The following PDZRN3 variants were observed in gnomAD, a reference collection of about 807,000 sequenced individuals.
The protein encoded by PDZRN3 is E3 ubiquitin-protein ligase PDZRN3.
Under a neutral mutation model 85.7 loss-of-function variants are expected in PDZRN3, and 38 were observed. The observed-to-expected ratio is 0.44, with a 90% CI of 0.34 to 0.58. The LOEUF is 0.58. Among genes scored for constraint, PDZRN3 ranks in the 20% least tolerant of loss-of-function variants. The pLI is 0.01. For synonymous variants in PDZRN3, 759 were observed against 638.0 expected (o/e 1.19, Z -2.86); for missense variants, 1,629 against 1,506.4 (o/e 1.08, Z -1.35).
At position 73,443,165 on chromosome 3, in the gene PDZRN3, T is replaced by C. The variant is rs112360862; in HGVS notation, c.919-38770A>G. Among the ~76,000 whole-genome samples, 500 of 152,276 alleles carry C rather than the reference T, an allele frequency of 3.3e-3. 1 individual carries two copies. Among genetic ancestry groups the C allele is most frequent in the African/African-American group, 0.012 (478 of 41,550 alleles). On this transcript the variant is annotated intron_variant, in intron 3 of 9. Coordinates refer to ENST00000263666, the MANE Select transcript of PDZRN3 (RefSeq NM_015009.3). ...CTATTCATTCACGCCTCCGTATTGATTGCCTACTATGAGCCAGACACTGTT... is the reference window on the plus strand; with the variant it reads ...CTATTCATTCACGCCTCCGTATTGACTGCCTACTATGAGCCAGACACTGTT...
At chr3:73,548,782 C>G (rs1292007745) in intron 3 of PDZRN3, among the ~76,000 whole-genome samples, 1 of 152,056 alleles carries the variant, frequency 6.6e-6, no homozygotes, top group African/African-American at 2.4e-5. Context: ...GTGTCTGAGT[C>G]AAGAAAATAG....
At chr3:73,616,669 T>C (rs1031360151) in intron 1 of PDZRN3, among the ~76,000 whole-genome samples, 1 of 152,194 alleles carries the variant, frequency 6.6e-6, no homozygotes, top group Non-Finnish European at 1.5e-5. Flanking sequence ...ATTCCTAAAC[T>C]TTCTTCAGTG....
chr3:73,535,593 C>G (rs1704764265), intron 3 of PDZRN3, among the ~76,000 whole-genome samples: 1 of 152,176 alleles, frequency 6.6e-6, no homozygotes, highest in South Asian at 2.1e-4. Context: ...ACAGAGCTGC[C>G]TTTTTGGGGA....
chr3:73,565,930 G>A (rs941723282), intron 3 of PDZRN3, among the ~76,000 whole-genome samples: 7 of 151,920 alleles, frequency 4.6e-5, no homozygotes, highest in Admixed American at 1.3e-4. Context: ...TATCCTGTGC[G>A]ATAAGGATTT....
chr3:73,455,909 T>C (rs962593234), intron 3 of PDZRN3, among the ~76,000 whole-genome samples: 23 of 152,302 alleles, frequency 1.5e-4, no homozygotes, highest in South Asian at 4.1e-4. Context: ...ACAAAAATAA[T>C]TGATGACATC....
chr3:73,425,683 G>A (rs72884241), intron 3 of PDZRN3, among the ~76,000 whole-genome samples: 2,088 of 152,042 alleles, frequency 0.014, 42 homozygotes, highest in African/African-American at 0.048. Context: ...ATACACTGGT[G>A]GGTATTACGC....
chr3:73,563,009 ATATATTTTTT>A (rs1394212253), intron 3 of PDZRN3, among the ~76,000 whole-genome samples: 60 of 39,646 alleles, frequency 1.5e-3, no homozygotes, highest in South Asian at 6.4e-3. Context: ...ATATATATAT[ATATATTTTTT>A]TTTTTTTTTT....
chr3:73,550,334 C>T (rs1023507439), intron 3 of PDZRN3, among the ~76,000 whole-genome samples: 17 of 152,184 alleles, frequency 1.1e-4, no homozygotes, highest in African/African-American at 4.1e-4. Flanking sequence ...TTCTGCTTCA[C>T]GTTCAAGTTT....
At chr3:73,555,622 A>T (rs770824732) in intron 3 of PDZRN3, among the ~76,000 whole-genome samples, 1 of 152,192 alleles carries the variant, frequency 6.6e-6, no homozygotes, top group African/African-American at 2.4e-5. Flanking sequence ...AATCAACGGC[A>T]TGTGTACCAA....
chr3:73,546,078 T>A (rs150917057), intron 3 of PDZRN3, among the ~76,000 whole-genome samples: 2 of 152,260 alleles, frequency 1.3e-5, no homozygotes, highest in African/African-American at 4.8e-5. Context: ...TTATTCTGTA[T>A]ACTGTGTCCG....
intron 3 of PDZRN3, among the ~76,000 whole-genome samples, chr3:73,431,006 A>C (rs1300704344): frequency 6.6e-6 from 1 of 151,990 alleles, no homozygotes; most frequent in Non-Finnish European, 1.5e-5. Flanking sequence ...CTGCCCTGCA[A>C]CCCCCACCAC....
At chr3:73,518,164 TTTAGC>T (rs1704287671) in intron 3 of PDZRN3, among the ~76,000 whole-genome samples, 2 of 152,212 alleles carry the variant, frequency 1.3e-5, no homozygotes, top group Non-Finnish European at 2.9e-5. Flanking sequence ...TGCCATATTA[TTTAGC>T]CTTAAAAAGA....
chr3:73,546,441 G>A (rs1701424997), intron 3 of PDZRN3, among the ~76,000 whole-genome samples: 1 of 152,220 alleles, frequency 6.6e-6, no homozygotes, highest in African/African-American at 2.4e-5. Context: ...TCTGTCCTTA[G>A]ATCATAAAAG....
intron 3 of PDZRN3, among the ~76,000 whole-genome samples, chr3:73,478,652 T>C (rs1333130017): frequency 2.0e-5 from 3 of 152,170 alleles, no homozygotes; most frequent in Admixed American, 6.5e-5. Flanking sequence ...GCCCAGTCCG[T>C]GGAAAAACTG....
At chr3:73,565,190 G>T (rs551366696) in intron 3 of PDZRN3, among the ~76,000 whole-genome samples, 1 of 147,370 alleles carries the variant, frequency 6.8e-6, no homozygotes, top group Admixed American at 6.9e-5. Context: ...GCGCAGTGGT[G>T]TAATCTCGGC....
chr3:73,391,003 A>C lies in PDZRN3; in HGVS notation c.1353+15T>G, dbSNP rs1701514580. 1 of 1,580,474 alleles carries C rather than the reference A, an allele frequency of 6.3e-7. No individual in the cohort carries two copies. The highest frequency in any genetic ancestry group is 8.7e-7 in the Non-Finnish European group (1 of 1,152,342). ...CTTGATACGATAGTTAGAAAAACAA[A>C]ATCAGCCTTTGTACCTCACTGATAT... On this transcript the variant is annotated intron_variant, in intron 6 of 9. Transcript: ENST00000263666.
intron 3 of PDZRN3, among the ~76,000 whole-genome samples, chr3:73,471,766 C>T (rs762408246): frequency 1.4e-4 from 21 of 152,272 alleles, no homozygotes; most frequent in Non-Finnish European, 2.5e-4. Flanking sequence ...AAATGGCCTC[C>T]TGGCTTTAGC....
intron 3 of PDZRN3, among the ~76,000 whole-genome samples, chr3:73,413,839 C>T (rs1405146675): frequency 6.6e-6 from 1 of 152,132 alleles, no homozygotes; most frequent in African/African-American, 2.4e-5. Context: ...CATGCCATGG[C>T]AAGGGCACGT....
chr3:73,501,479 G>A (rs1703976626), intron 3 of PDZRN3, among the ~76,000 whole-genome samples: 1 of 152,096 alleles, frequency 6.6e-6, no homozygotes, highest in East Asian at 1.9e-4. Flanking sequence ...TCACCTTGAC[G>A]ACTGCAGACG....
Sources: gnomAD v4.1 joint callset for allele counts (sites outside exome capture counted in the v4.1 genomes callset) on GRCh38, gnomAD v4.1.1 for gene constraint, MANE v1.5 for transcripts, NCBI Gene and HGNC (gene_info 2026-07-23, HGNC 2026-07-21) for gene names.